FBN2: variants seen among roughly 807,000 people sequenced by gnomAD.
The protein encoded by FBN2 is fibrillin-2.
In FBN2, 105 loss-of-function variants were observed where a neutral mutation model predicts 355.6. That is an observed-to-expected ratio of 0.30 (90% CI 0.25 to 0.35). The LOEUF is 0.35. FBN2 is among the 10% of genes least tolerant of loss of function. FBN2 has a pLI of 1.00. For synonymous variants in FBN2, 1,350 were observed against 1,301.2 expected, an observed-to-expected ratio of 1.04 and a Z score of -0.81; for missense variants, 3,280 against 3,758.7, an observed-to-expected ratio of 0.87 and a Z score of 3.33.
chr5:128,419,711 G>C (rs1753295052), intron 7 of FBN2, among the ~76,000 whole-genome samples: 1 of 151,710 alleles, frequency 6.6e-6, no homozygotes, highest in African/African-American at 2.4e-5. Context: ...TTTGTTTTGA[G>C]ACAAGAGTTT....
intron 55 of FBN2, among the ~76,000 whole-genome samples, chr5:128,282,185 C>T (rs2126812488): frequency 6.6e-6 from 1 of 152,106 alleles, no homozygotes; most frequent in African/African-American, 2.4e-5. Flanking sequence ...GTTTTTCTCT[C>T]TGGAAGTTTT....
At chr5:128,431,535 C>T (rs577365506) in intron 7 of FBN2, among the ~76,000 whole-genome samples, 2 of 152,186 alleles carry the variant, frequency 1.3e-5, no homozygotes, top group Non-Finnish European at 2.9e-5. Flanking sequence ...ATTTCTTCTT[C>T]CCTCTTCGCA....
chr5:128,259,945 C>CGCTTTCT, intron 64 of FBN2, 116 bp from the exon 65 acceptor site: 2 of 1,033,902 alleles, frequency 1.9e-6, no homozygotes, highest in Non-Finnish European at 3.0e-6. Context: ...TTCCCACTCC[C>CGCTTTCT]GCTTTCTGCA....
At chr5:128,289,852 A>C (rs1282266694) in intron 51 of FBN2, 30 bp downstream of exon 51, 6 of 1,294,972 alleles carry the variant, frequency 4.6e-6, no homozygotes, top group Admixed American at 1.7e-5. Context: ...ATTAAATAAG[A>C]ATATAGGAAT....
chr5:128,460,678 G>A (rs1754533191), intron 6 of FBN2, among the ~76,000 whole-genome samples: 1 of 152,132 alleles, frequency 6.6e-6, no homozygotes, highest in South Asian at 2.1e-4. Context: ...CAATGGAGCA[G>A]AACAGAGACC....
At chr5:128,283,740 T>C (rs1749054437) in intron 55 of FBN2, among the ~76,000 whole-genome samples, 1 of 152,190 alleles carries the variant, frequency 6.6e-6, no homozygotes, top group South Asian at 2.1e-4. Flanking sequence ...AGCTAGAACA[T>C]ATCTGACACT....
intron 33 of FBN2, among the ~76,000 whole-genome samples, chr5:128,329,954 G>A (rs1412328036): frequency 6.6e-6 from 1 of 152,104 alleles, no homozygotes; most frequent in East Asian, 1.9e-4. Context: ...CCAAACAGAA[G>A]CTATTATTTA....
chr5:128,525,009 C>A (rs62390663), intron 4 of FBN2, among the ~76,000 whole-genome samples: 1,613 of 152,272 alleles, frequency 0.011, 20 homozygotes, highest in Non-Finnish European at 0.015. Context: ...TTTCCATCCC[C>A]TGCCTTCTCA....
intron 8 of FBN2, among the ~76,000 whole-genome samples, chr5:128,402,765 G>C (rs1431189482): frequency 6.6e-6 from 1 of 152,168 alleles, no homozygotes; most frequent in African/African-American, 2.4e-5. Flanking sequence ...TCCTGAGACT[G>C]GATGCCTGCA....
chr5:128,485,185 A>C (rs1408907918), intron 5 of FBN2, among the ~76,000 whole-genome samples: 1 of 151,944 alleles, frequency 6.6e-6, no homozygotes, highest in African/African-American at 2.4e-5. Context: ...CACCATGCAC[A>C]GCTAATTTTT....
chr5:128,526,195 A>C (rs1348458249), intron 4 of FBN2, among the ~76,000 whole-genome samples: 1 of 152,170 alleles, frequency 6.6e-6, no homozygotes, highest in Non-Finnish European at 1.5e-5. Context: ...CACAATAAGT[A>C]CAACTTCACA....
intron 19 of FBN2, among the ~76,000 whole-genome samples, chr5:128,360,121 A>G (rs554968910): frequency 2.6e-5 from 4 of 152,270 alleles, no homozygotes; most frequent in Admixed American, 2.6e-4. Context: ...ACAACAGACA[A>G]AACTGAAAAA....
At chr5:128,340,427 T>C (rs761848389) in intron 25 of FBN2, among the ~76,000 whole-genome samples, 1 of 152,260 alleles carries the variant, frequency 6.6e-6, no homozygotes, top group Non-Finnish European at 1.5e-5. Flanking sequence ...AAATACTTTC[T>C]TTTAAACAAA....
At chr5:128,471,349 T>C (rs1484316938) in intron 5 of FBN2, among the ~76,000 whole-genome samples, 2 of 152,036 alleles carry the variant, frequency 1.3e-5, no homozygotes, top group African/African-American at 4.8e-5. Context: ...CCCAAAATTA[T>C]ATGGGATAAT....
intron 48 of FBN2, among the ~76,000 whole-genome samples, chr5:128,294,482 CA>C: frequency 6.6e-6 from 1 of 152,142 alleles, no homozygotes; most frequent in South Asian, 2.1e-4. Flanking sequence ...TATTTCTCCA[CA>C]TCCTCCCCAG....
At position 128,461,238 on chromosome 5, in the gene FBN2, C is replaced by A. The variant is rs569080147; in HGVS notation, c.826+3486G>T. ...CAAAAGAAGGCATTTATGTGGCCAA[C>A]AAACATATAAAAAAAGCTCATCATC... is the stretch of plus-strand genomic sequence containing the variant. On this transcript the variant is annotated intron_variant, in intron 6 of 64. Transcript: ENST00000262464. Among the ~76,000 whole-genome samples, 130 of 152,146 alleles carry A rather than the reference C, an allele frequency of 8.5e-4. 5 individuals are homozygous for A. The highest frequency in any genetic ancestry group is 3.4e-3 in the Middle Eastern group (1 of 294).
intron 18 of FBN2, 49 bp downstream of exon 18, chr5:128,364,551 G>T: frequency 1.3e-6 from 2 of 1,559,658 alleles, no homozygotes; most frequent in East Asian, 2.3e-5. Context: ...ATAATCCATG[G>T]GATTAAACTA....
At chr5:128,402,427 C>A (rs181177995) in intron 8 of FBN2, among the ~76,000 whole-genome samples, 17 of 151,744 alleles carry the variant, frequency 1.1e-4, no homozygotes, top group African/African-American at 2.7e-4. Context: ...ACAGTCACAC[C>A]GAGAAACAGG....
Position 128,392,014 on chromosome 5 carries a change from T to C in FBN2, c.1603+4A>G. On this transcript the variant is annotated splice_donor_region_variant and intron_variant, in intron 11 of 64. Transcript: ENST00000262464. Reference sequence around the variant, plus strand: ...GAAGGATTATTAAAGAATCACAAACTTACCTATACAATCTCCATTTGCATC... The same window carrying C: ...GAAGGATTATTAAAGAATCACAAACCTACCTATACAATCTCCATTTGCATC... 1 of 1,613,276 alleles carries C rather than the reference T, an allele frequency of 6.2e-7. No homozygotes were observed. Among genetic ancestry groups the C allele is most frequent in the Non-Finnish European group, 8.5e-7 (1 of 1,179,334 alleles).
Sources: allele counts gnomAD v4.1 joint callset (sites outside exome capture counted in the v4.1 genomes callset), GRCh38; gene constraint gnomAD v4.1.1; transcripts MANE v1.5; gene names NCBI Gene and HGNC (gene_info 2026-07-23, HGNC 2026-07-21).